Variants in SQOR observed in about 807,000 individuals in gnomAD.
The protein encoded by SQOR is sulfide:quinone oxidoreductase, mitochondrial.
A neutral mutation model predicts 48.6 loss-of-function variants in SQOR; 39 were observed. The observed-to-expected ratio is 0.80, with a 90% CI of 0.62 to 1.05. The LOEUF is 1.05. Ranked by LOEUF, SQOR falls within the 50% of genes least tolerant of loss-of-function variation. The probability of loss-of-function intolerance (pLI) is 0.00; values close to 1 mark genes in which losing one functional copy is unlikely to be tolerated. For missense variants in SQOR, 561 were observed against 559.9 expected (o/e 1.00, Z -0.02); for synonymous variants, 220 against 206.2 (o/e 1.07, Z -0.57).
intron 1 of SQOR, among the ~76,000 whole-genome samples, chr15:45,648,434 G>A (rs1019746383): frequency 3.9e-5 from 6 of 152,018 alleles, no homozygotes; most frequent in Non-Finnish European, 5.9e-5. Context: ...CCTTGGCCTC[G>A]CAAAGTGCTG....
intron 3 of SQOR, among the ~76,000 whole-genome samples, chr15:45,669,198 C>T (rs759627491): frequency 1.6e-4 from 24 of 148,070 alleles, no homozygotes; most frequent in Admixed American, 2.7e-4. Flanking sequence ...GAGACAGGGT[C>T]TCACTCTATC....
intron 1 of SQOR, among the ~76,000 whole-genome samples, chr15:45,638,132 T>A (rs1467370048): frequency 1.3e-5 from 2 of 152,136 alleles, no homozygotes; most frequent in Non-Finnish European, 2.9e-5. Flanking sequence ...GTAGAGAACT[T>A]TGTGGAAAAA....
At chr15:45,682,982 G>A (rs1369052728) in intron 7 of SQOR, among the ~76,000 whole-genome samples, 1 of 146,576 alleles carries the variant, frequency 6.8e-6, no homozygotes, top group East Asian at 2.0e-4. Context: ...AGCCAAGATC[G>A]CACCACTCCT....
At chr15:45,634,733 G>A (rs898654293), upstream of SQOR, 1 of 152,314 alleles carries the variant, frequency 6.6e-6, no homozygotes, top group East Asian at 1.9e-4. Flanking sequence ...TGGCACCCAG[G>A]GGCGGAAGCG....
intron 1 of SQOR, among the ~76,000 whole-genome samples, chr15:45,655,899 A>G (rs948817140): frequency 8.6e-5 from 13 of 151,440 alleles, no homozygotes; most frequent in African/African-American, 2.2e-4. Flanking sequence ...GTTGGCCAGG[A>G]TGGTCTCGAT....
chr15:45,682,477 G>T lies in SQOR; in HGVS notation c.865-1G>T, dbSNP rs764246203. 1.9e-5 allele frequency: 30 copies of T among 1,613,858 alleles called. No individual in the cohort carries two copies. The Admixed American group carries it at 5.0e-4, about 27-fold the overall frequency. The stretch of plus-strand genomic sequence containing the variant: ...AATGTGGATTCTCTCTTTGTGTGTA[G>T]TATGAAATGCTTCATGTCACACCTC... On this transcript the variant is annotated splice_acceptor_variant, in intron 6 of 9. Coordinates refer to ENST00000260324, the MANE Select transcript of SQOR (RefSeq NM_021199.4). LOFTEE classifies it high-confidence loss of function.
chr15:45,645,672 G>C (rs1365771676), intron 1 of SQOR, among the ~76,000 whole-genome samples: 1 of 152,188 alleles, frequency 6.6e-6, no homozygotes, highest in African/African-American at 2.4e-5. Context: ...TCTTGAGCTG[G>C]CCTTGAGACT....
At chr15:45,634,262 T>A (rs1393724271), upstream of SQOR, among the ~76,000 whole-genome samples, 1 of 128,090 alleles carries the variant, frequency 7.8e-6, no homozygotes, top group Non-Finnish European at 1.6e-5. Flanking sequence ...TAAAAGAAAC[T>A]CAAACTTTCA....
intron 1 of SQOR, among the ~76,000 whole-genome samples, chr15:45,651,665 G>T (rs1302321606): frequency 6.6e-6 from 1 of 152,076 alleles, no homozygotes; most frequent in African/African-American, 2.4e-5. Flanking sequence ...ATGGGGTTTT[G>T]GCATCTTGGC....
chr15:45,652,353 G>C (rs1428275884), intron 1 of SQOR, among the ~76,000 whole-genome samples: 2 of 149,576 alleles, frequency 1.3e-5, no homozygotes, highest in Non-Finnish European at 3.0e-5. Flanking sequence ...TTGATTGATT[G>C]AGACAGAGTC....
At chr15:45,655,785 G>C (rs1234988803) in intron 1 of SQOR, among the ~76,000 whole-genome samples, 1 of 151,390 alleles carries the variant, frequency 6.6e-6, no homozygotes, top group Non-Finnish European at 1.5e-5. Context: ...ACGGGTTCAA[G>C]TGATTCCCCT....
At chr15:45,639,842 C>T (rs1202160226) in intron 1 of SQOR, among the ~76,000 whole-genome samples, 2 of 152,226 alleles carry the variant, frequency 1.3e-5, no homozygotes, top group Middle Eastern at 3.4e-3. Flanking sequence ...CTTTCAAGGT[C>T]TAGGTGATCA....
intron 1 of SQOR, among the ~76,000 whole-genome samples, chr15:45,645,568 G>A (rs1895190047): frequency 6.6e-6 from 1 of 152,242 alleles, no homozygotes. Flanking sequence ...CCGTGAATGA[G>A]AGACAATCAG....
chr15:45,679,208 T>C lies in SQOR; in HGVS notation c.864+2898T>C, dbSNP rs570304975. On this transcript the variant is annotated intron_variant, in intron 6 of 9. Coordinates refer to ENST00000260324, the MANE Select transcript of SQOR (RefSeq NM_021199.4). ...CAGATATTTAGTTCCACTCTTAAAA[T>C]CTGAATTTCAAAAAATCCACCAGAA... is the stretch of plus-strand genomic sequence containing the variant. Among the ~76,000 whole-genome samples the C allele has an allele frequency of 5.3e-5, 8 of 152,328 alleles. No individual in the cohort carries two copies. In the South Asian group the frequency reaches 1.0e-3, roughly 20 times the overall value.
chr15:45,689,576 C>A (rs1261789564), intron 9 of SQOR, among the ~76,000 whole-genome samples: 1 of 151,942 alleles, frequency 6.6e-6, no homozygotes, highest in Non-Finnish European at 1.5e-5. Context: ...TGCCACCACG[C>A]CTGGCTAATT....
At chr15:45,637,036 G>A (rs1895018568) in intron 1 of SQOR, among the ~76,000 whole-genome samples, 2 of 151,226 alleles carry the variant, frequency 1.3e-5, no homozygotes. Context: ...CTAAGCTGGA[G>A]TACAGTGAGG....
intron 1 of SQOR, among the ~76,000 whole-genome samples, chr15:45,638,551 C>T (rs978709946): frequency 3.3e-5 from 5 of 152,014 alleles, no homozygotes; most frequent in African/African-American, 4.8e-5. Context: ...AGAGGAACCC[C>T]GTCTCTACTA....
At chr15:45,654,529 T>C (rs74398432) in intron 1 of SQOR, among the ~76,000 whole-genome samples, 2,441 of 152,256 alleles carry the variant, frequency 0.016, 76 homozygotes, top group African/African-American at 0.056. Context: ...AGTAGCCTTC[T>C]TGGCTGAGTG....
chr15:45,656,386 A>C (rs1889611689), intron 1 of SQOR, among the ~76,000 whole-genome samples: 1 of 151,664 alleles, frequency 6.6e-6, no homozygotes, highest in Non-Finnish European at 1.5e-5. Context: ...TGTGGCCTTC[A>C]CCTCCCGGGC....
Sources: allele counts gnomAD v4.1 joint callset (sites outside exome capture counted in the v4.1 genomes callset), GRCh38; gene constraint gnomAD v4.1.1; transcripts MANE v1.5; gene names NCBI Gene and HGNC (gene_info 2026-07-23, HGNC 2026-07-21).